The following PRSS23 variants were observed in gnomAD, a reference collection of about 807,000 sequenced individuals.
PRSS23 encodes the protein serine protease 23.
In PRSS23, 25 loss-of-function variants were observed where a neutral mutation model predicts 34.7. The observed-to-expected ratio is 0.72, with a 90% CI of 0.53 to 1.01. The LOEUF is 1.01. PRSS23 is among the 50% of genes least tolerant of loss of function. The probability of loss-of-function intolerance (pLI) is 0.00; values close to 1 mark genes in which losing one functional copy is unlikely to be tolerated. For missense variants in PRSS23, 445 were observed against 475.6 expected (o/e 0.94, Z 0.60); for synonymous variants, 176 against 186.6 (o/e 0.94, Z 0.46).
At chr11:86,801,542 T>C (rs1047851516) in intron 1 of PRSS23, among the ~76,000 whole-genome samples, 3 of 152,196 alleles carry the variant, frequency 2.0e-5, no homozygotes, top group African/African-American at 7.2e-5. Context: ...ATTTGAGGGC[T>C]CCCTGTGCAC....
intron 2 of PRSS23, among the ~76,000 whole-genome samples, chr11:86,891,648 A>G (rs1371176180): frequency 6.6e-6 from 1 of 152,176 alleles, no homozygotes; most frequent in Admixed American, 6.5e-5. Flanking sequence ...AACATTTCGC[A>G]CTACGTCTGC....
At chr11:86,813,402 G>A (rs187727797), downstream of PRSS23, among the ~76,000 whole-genome samples, 198 of 152,272 alleles carry the variant, frequency 1.3e-3, 1 homozygote, top group African/African-American at 4.1e-3. Context: ...GAGACAGATG[G>A]GGAAGAGTTC....
chr11:86,856,764 TGTATATAAAAA>T (rs1309176797), intron 2 of PRSS23, among the ~76,000 whole-genome samples: 1 of 152,164 alleles, frequency 6.6e-6, no homozygotes, highest in Non-Finnish European at 1.5e-5. Flanking sequence ...AATTACTTCC[TGTATATAAAAA>T]GATGGTTGTG....
rs372766636 is a variant in PRSS23, at chr11:86,883,737, T to G, written c.206+60144T>G. 1.4e-4 allele frequency among the ~76,000 whole-genome samples: 22 copies of G among 152,368 alleles called. No homozygotes were observed. In the South Asian group the frequency reaches 4.6e-3, roughly 32 times the overall value. On this transcript the variant is annotated intron_variant, in intron 2 of 2. Coordinates refer to the PRSS23 transcript ENST00000533902. ...ACCTCTATAATTTCCCTCCAAGCAT[T>G]GCTTTTGTGTATCCTATATGTTTTG...
chr11:86,902,714 G>A (rs1469226292), intron 2 of PRSS23, among the ~76,000 whole-genome samples: 1 of 152,180 alleles, frequency 6.6e-6, no homozygotes. Context: ...TAAACAACAT[G>A]ATATCAAGAC....
intron 2 of PRSS23, among the ~76,000 whole-genome samples, chr11:86,905,984 A>G (rs1390320629): frequency 6.7e-6 from 1 of 150,076 alleles, no homozygotes; most frequent in Non-Finnish European, 1.5e-5. Flanking sequence ...CCCACTGATG[A>G]CATTCATTCA....
intron 2 of PRSS23, among the ~76,000 whole-genome samples, chr11:86,861,876 G>A (rs1948618060): frequency 6.6e-6 from 1 of 151,990 alleles, no homozygotes; most frequent in Admixed American, 6.6e-5. Flanking sequence ...ATTGTAGGAA[G>A]TGTACACCCC....
At chr11:86,938,344 C>T (rs529071702) in intron 2 of PRSS23, among the ~76,000 whole-genome samples, 1 of 152,262 alleles carries the variant, frequency 6.6e-6, no homozygotes, top group Non-Finnish European at 1.5e-5. Flanking sequence ...TCATGCGAGG[C>T]TCCCAGAAGA....
At chr11:86,876,735 A>G in intron 2 of PRSS23, among the ~76,000 whole-genome samples, 1 of 18,346 alleles carries the variant, frequency 5.5e-5, no homozygotes, top group East Asian at 3.5e-3. Flanking sequence ...ATTGCAATAA[A>G]AAAAAAAACG....
chr11:86,939,431 T>TTTTTTTTAAAATATATATA (rs1555084022), intron 2 of PRSS23, among the ~76,000 whole-genome samples: 2 of 141,748 alleles, frequency 1.4e-5, no homozygotes, highest in East Asian at 2.0e-4. Context: ...TATATATTTT[T>TTTTTTTTAAAATATATATA]TAACATGAGT....
At chr11:86,876,365 C>G (rs1228072597) in intron 2 of PRSS23, among the ~76,000 whole-genome samples, 2 of 152,158 alleles carry the variant, frequency 1.3e-5, no homozygotes, top group Admixed American at 6.5e-5. Context: ...AGGCTGAGTT[C>G]CAAGTAAGGT....
At chr11:86,828,495 T>G (rs575293434) in intron 2 of PRSS23, among the ~76,000 whole-genome samples, 1 of 152,304 alleles carries the variant, frequency 6.6e-6, no homozygotes, top group African/African-American at 2.4e-5. Flanking sequence ...TCCATTTACA[T>G]TTAAAGTTAA....
intron 2 of PRSS23, among the ~76,000 whole-genome samples, chr11:86,823,745 G>A (rs139614320): frequency 6.6e-6 from 1 of 152,236 alleles, no homozygotes; most frequent in Non-Finnish European, 1.5e-5. Flanking sequence ...GGTGGCTCAC[G>A]CCTGTAATCC....
intron 2 of PRSS23, among the ~76,000 whole-genome samples, chr11:86,894,199 G>T (rs1468733760): frequency 1.3e-5 from 2 of 152,052 alleles, no homozygotes; most frequent in Non-Finnish European, 2.9e-5. Context: ...TTTTTGAGAT[G>T]AGGTTTCACC....
At chr11:86,830,913 G>T (rs181149473) in intron 2 of PRSS23, among the ~76,000 whole-genome samples, 105 of 152,146 alleles carry the variant, frequency 6.9e-4, no homozygotes, top group African/African-American at 2.5e-3. Flanking sequence ...CTATGGGGAT[G>T]TTACTTTTAA....
chr11:86,845,829 C>T (rs576796105), intron 2 of PRSS23, among the ~76,000 whole-genome samples: 1 of 152,258 alleles, frequency 6.6e-6, no homozygotes, highest in South Asian at 2.1e-4. Context: ...ACCAGCAGAC[C>T]TTATCTATGC....
At chr11:86,813,779 A>C (rs11234818), downstream of PRSS23, among the ~76,000 whole-genome samples, 15,374 of 152,270 alleles carry the variant, frequency 0.1, 879 homozygotes, top group Non-Finnish European at 0.12. Flanking sequence ...ACAAAAATCA[A>C]AATGCAGCCC....
chr11:86,895,770 G>A (rs11234866), intron 2 of PRSS23, among the ~76,000 whole-genome samples: 18,449 of 152,104 alleles, frequency 0.12, 1,768 homozygotes, highest in African/African-American at 0.27. Flanking sequence ...GTGAACCACC[G>A]TGCCTGGCCT....
chr11:86,813,363 CCTGGCAGTATCAAATTTGTT>C (rs1172844347), downstream of PRSS23, among the ~76,000 whole-genome samples: 2 of 152,116 alleles, frequency 1.3e-5, no homozygotes, highest in East Asian at 3.9e-4. Context: ...TGCAAGGGCC[CCTGGCAGTATCAAATTTGTT>C]CTGTTTAAGA....
Sources: allele counts gnomAD v4.1 joint callset (sites outside exome capture counted in the v4.1 genomes callset), GRCh38; gene constraint gnomAD v4.1.1; transcripts MANE v1.5; gene names NCBI Gene and HGNC (gene_info 2026-07-23, HGNC 2026-07-21).